The following BUB1 variants were observed in gnomAD, a reference collection of about 807,000 sequenced individuals.
BUB1 encodes mitotic checkpoint serine/threonine-protein kinase BUB1.
BUB1 carries 84 observed loss-of-function variants against 135.2 expected under a neutral mutation model. The observed-to-expected ratio is 0.62, with a 90% CI of 0.52 to 0.74. BUB1 has a LOEUF of 0.74. BUB1 is among the 30% of genes least tolerant of loss of function. The pLI is 0.00. For missense variants in BUB1, 1,162 were observed against 1,288.3 expected (o/e 0.90, Z 1.50); for synonymous variants, 403 against 434.4 (o/e 0.93, Z 0.90).
rs755640136 is a variant in BUB1 at position 110,655,724 on chromosome 2, C to CGTTTT, written c.1876+14_1876+15insAAAAC. ...AGTTGGCAGAAGACAGACACTAAAA[C>CGTTTT]AGTGTAACACACACCTTTATCTTCT... On this transcript the variant is annotated intron_variant, in intron 16 of 24. Coordinates refer to ENST00000302759, the MANE Select transcript of BUB1 (RefSeq NM_004336.5). 2.5e-6 allele frequency: 4 copies of CGTTTT among 1,582,204 alleles called. No homozygotes were observed. In the East Asian group the frequency reaches 6.7e-5, roughly 27 times the overall value.
chr2:110,674,045 A>G (rs1690503569), intron 3 of BUB1, 41 bp downstream of exon 3: 9 of 1,421,590 alleles, frequency 6.3e-6, no homozygotes, highest in Non-Finnish European at 8.7e-6. Flanking sequence ...CAAAAGTACA[A>G]CATGATTATA....
At chr2:110,659,202 C>G (rs1247329038) in intron 11 of BUB1, among the ~76,000 whole-genome samples, 2 of 152,170 alleles carry the variant, frequency 1.3e-5, no homozygotes, top group African/African-American at 2.4e-5. Flanking sequence ...ACATTGGTCC[C>G]TTTGCTGTGC....
intron 16 of BUB1, among the ~76,000 whole-genome samples, chr2:110,654,529 A>G (rs1689870547): frequency 6.6e-6 from 1 of 152,110 alleles, no homozygotes; most frequent in Non-Finnish European, 1.5e-5. Context: ...GTTTTTGTTT[A>G]TCGAGCCAAA....
chr2:110,662,497 T>C (rs1690125928), intron 9 of BUB1, among the ~76,000 whole-genome samples: 1 of 152,168 alleles, frequency 6.6e-6, no homozygotes, highest in Non-Finnish European at 1.5e-5. Context: ...GCTTATAAAT[T>C]GTTAAGAAAA....
At chr2:110,645,568 A>G (rs1328662183) in intron 19 of BUB1, among the ~76,000 whole-genome samples, 2 of 151,252 alleles carry the variant, frequency 1.3e-5, no homozygotes, top group Admixed American at 1.3e-4. Context: ...ATCAGCATAG[A>G]AAATGGCGTT....
At chr2:110,656,829 T>G (rs901747614) in intron 15 of BUB1, among the ~76,000 whole-genome samples, 1 of 152,240 alleles carries the variant, frequency 6.6e-6, no homozygotes, top group Non-Finnish European at 1.5e-5. Flanking sequence ...TAAATAATTT[T>G]GGTAGGACAC....
chr2:110,642,892 A>C (rs1260761531), intron 19 of BUB1: 2 of 153,606 alleles, frequency 1.3e-5, no homozygotes, highest in Non-Finnish European at 2.9e-5. Context: ...GGGTCTTACC[A>C]TGTTGCCCAG....
chr2:110,647,745 T>C (rs1689680182), intron 19 of BUB1, among the ~76,000 whole-genome samples: 2 of 152,068 alleles, frequency 1.3e-5, no homozygotes, highest in Non-Finnish European at 2.9e-5. Flanking sequence ...GGACAAAAGA[T>C]CTGGATAGAC....
chr2:110,659,422 CCTAA>C (rs982566056), intron 11 of BUB1, among the ~76,000 whole-genome samples: 3 of 152,100 alleles, frequency 2.0e-5, no homozygotes, highest in Non-Finnish European at 4.4e-5. Context: ...TGACTTCATC[CCTAA>C]CTATGTATAA....
intron 3 of BUB1, 87 bp from the exon 4 acceptor site, chr2:110,672,944 C>A (rs906154974): frequency 1.9e-5 from 25 of 1,343,724 alleles, no homozygotes; most frequent in Non-Finnish European, 2.4e-5. Flanking sequence ...AGCTGGGAGC[C>A]CCTAGGTAGC....
chr2:110,658,286 T>C (rs541778548), intron 13 of BUB1, 124 bp downstream of exon 13: 6 of 719,486 alleles, frequency 8.3e-6, no homozygotes, highest in Admixed American at 3.0e-5. Flanking sequence ...TTTTATTTCA[T>C]GCATTCCCTG....
chr2:110,669,579 C>T lies in BUB1; in HGVS notation c.467-26G>A, dbSNP rs753939684. 351 of 1,454,436 alleles carry T rather than the reference C, an allele frequency of 2.4e-4. 6 individuals are homozygous for T. The Admixed American group carries it at 5.5e-3, about 23-fold the overall frequency. The allele number at this position is 1,454,436 out of a possible 1,614,324, so 90.1% of individuals were successfully genotyped here. On this transcript the variant is annotated intron_variant, in intron 5 of 24. Transcript: ENST00000302759. ...CTATGAGGGAAAAGAGGATAAAATA[C>T]GGAGAAATTAAGGGTAAAACCGTAA... is the stretch of plus-strand genomic sequence containing the variant.
At chr2:110,666,525 G>A (rs1690260386) in intron 8 of BUB1, 111 bp from the exon 9 acceptor site, 1 of 810,772 alleles carries the variant, frequency 1.2e-6, no homozygotes, top group Non-Finnish European at 1.7e-6. Flanking sequence ...TTTTTTATTA[G>A]TCTTTCTCAT....
intron 9 of BUB1, among the ~76,000 whole-genome samples, chr2:110,663,974 A>G (rs1238046044): frequency 1.4e-5 from 2 of 146,732 alleles, no homozygotes; most frequent in Admixed American, 6.9e-5. Context: ...GCTTGCAGTG[A>G]GTTGAGACCA....
chr2:110,658,823 C>A (rs1690004457), intron 11 of BUB1, 81 bp from the exon 12 acceptor site: 3 of 1,527,776 alleles, frequency 2.0e-6, no homozygotes, highest in South Asian at 2.3e-5. Flanking sequence ...AAGTAAGTTA[C>A]AATTAAAACA....
At position 110,661,820 on chromosome 2, in the gene BUB1, G is replaced by A. The variant is rs761696154; in HGVS notation, c.979C>T (p.Pro327Ser). The change falls in exon 10 of 25, where the codon CCA (proline) becomes TCA (serine). Residue 327 changes from proline (P) to serine (S), a missense_variant. Pro to Ser is a moderately conservative substitution (Grantham distance 74). Coordinates refer to ENST00000302759, the MANE Select transcript of BUB1 (RefSeq NM_004336.5). The stretch of plus-strand genomic sequence containing the variant: ...AGTTCCTGCTGGGAGCCTACACTTG[G>A]CCCCATACGTGCTGGATTAACCTTT... ...RSEVNPARMG[P>S]SVGSQQELRA... The A allele has an allele frequency of 1.7e-5, 27 of 1,614,030 alleles. No homozygotes were observed. Among genetic ancestry groups the A allele is most frequent in the Non-Finnish European group, 2.2e-5 (26 of 1,180,042 alleles).
rs35890336 is a variant in BUB1, at chr2:110,674,333, C to T, written c.59G>A (p.Gly20Asp). ...MLEAHMQSYK[G>D]NDPLGEWERY... ...TTCCCATTCACCAAGAGGGTCATTG[C>T]CCTTGTAGCTCTGCATGTGGGCTTC... is the stretch of plus-strand genomic sequence containing the variant. Residue 20 changes from glycine (G) to aspartate (D), a missense_variant, in exon 2 of 25, where the codon GGC (glycine) becomes GAC (aspartate). Physicochemically the swap from Gly to Asp is moderately conservative, Grantham distance 94. Transcript: ENST00000302759. 7.4e-6 allele frequency: 12 copies of T among 1,613,988 alleles called. No individual in the cohort carries two copies. The highest frequency in any genetic ancestry group is 1.1e-5 in the South Asian group (1 of 91,078).
chr2:110,678,057 T>G lies in BUB1; in HGVS notation c.-62A>C, dbSNP rs992810319. 8.1e-5 allele frequency: 126 copies of G among 1,553,592 alleles called. No individual in the cohort carries two copies. The highest frequency in any genetic ancestry group is 2.0e-4 in the Middle Eastern group (1 of 4,982). On this transcript the variant is annotated 5_prime_UTR_variant, in exon 1 of 25. Coordinates refer to ENST00000302759, the MANE Select transcript of BUB1 (RefSeq NM_004336.5). The stretch of plus-strand genomic sequence containing the variant: ...ACCGCAAACTAGAAGCCGCCGCCGA[T>G]TCGAATACCCCGCGCAGCCGCAGTC...
At chr2:110,673,608 G>T (rs981203281) in intron 3 of BUB1, among the ~76,000 whole-genome samples, 1 of 151,664 alleles carries the variant, frequency 6.6e-6, no homozygotes, top group African/African-American at 2.4e-5. Flanking sequence ...GGGAGCGGGG[G>T]GTGGGGACAG....
Sources: gnomAD v4.1 joint callset for allele counts (sites outside exome capture counted in the v4.1 genomes callset) on GRCh38, gnomAD v4.1.1 for gene constraint, MANE v1.5 for transcripts, NCBI Gene and HGNC (gene_info 2026-07-23, HGNC 2026-07-21) for gene names.